Variants in NFKBID observed in about 807,000 individuals in gnomAD.
The protein encoded by NFKBID is NFKB inhibitor delta.
A neutral mutation model predicts 53.4 loss-of-function variants in NFKBID; 26 were observed. That is an observed-to-expected ratio of 0.49 (90% CI 0.36 to 0.68). The LOEUF is 0.68. Among genes scored for constraint, NFKBID ranks in the 30% least tolerant of loss-of-function variants. The pLI is 0.00. For synonymous variants in NFKBID, 262 were observed against 259.8 expected (o/e 1.01, Z -0.08); for missense variants, 493 against 614.1 (o/e 0.80, Z 2.08).
exon 2 of NFKBID, chr19:35,898,738 G>C: frequency 1.3e-6 from 2 of 1,535,964 alleles, no homozygotes; most frequent in Non-Finnish European, 1.7e-6. Flanking sequence ...GCCAGCGTCG[G>C]GCTGCTGCTG....
intron 9 of NFKBID, among the ~76,000 whole-genome samples, chr19:35,895,344 C>T (rs919931596): frequency 1.1e-4 from 16 of 150,502 alleles, no homozygotes; most frequent in African/African-American, 3.9e-4. Flanking sequence ...AAAAAATAGC[C>T]AGGCATGGTG....
At chr19:35,889,956 G>A (rs1250803426) in exon 11 of NFKBID, 1 of 1,612,086 alleles carries the variant, frequency 6.2e-7, no homozygotes, top group Admixed American at 1.7e-5. Context: ...TGCGCAGTGT[G>A]GGGTCCGCCC....
At chr19:35,898,808 G>A (rs2146968221) in exon 2 of NFKBID, 2 of 1,535,818 alleles carry the variant, frequency 1.3e-6, no homozygotes, top group African/African-American at 1.4e-5. Flanking sequence ...CAGTGGCTGC[G>A]CTCACCCCTG....
exon 11 of NFKBID, chr19:35,889,953 T>C (rs1974641655): frequency 6.2e-7 from 1 of 1,612,018 alleles, no homozygotes; most frequent in Non-Finnish European, 8.5e-7. Context: ...GGTTGCGCAG[T>C]GTGGGGTCCG....
intron 9 of NFKBID, among the ~76,000 whole-genome samples, chr19:35,892,272 G>C (rs921947945): frequency 6.6e-6 from 1 of 151,926 alleles, no homozygotes; most frequent in Non-Finnish European, 1.5e-5. Flanking sequence ...GGTTGGTCTC[G>C]AATTCCTGAG....
Position 35,896,527 on chromosome 19 carries a change from C to G in NFKBID, c.696G>C (p.Leu232=). 1 of 1,614,082 alleles carries G rather than the reference C, an allele frequency of 6.2e-7. No homozygotes were observed. Among genetic ancestry groups the G allele is most frequent in the Non-Finnish European group, 8.5e-7 (1 of 1,179,960 alleles). ...GGGGCTGGTTGGCAGCAGCCGCCAC[C>G]AGGAGAGGGGTCTGCAGGCCACAGG... Residue 232 remains leucine (L), a synonymous_variant, in exon 7 of 12, where the codon CTG becomes CTC. Transcript: ENST00000641389. This position sits in a 1 kb window ranked among gnomAD's most constrained non-coding sequence, Gnocchi z 5.7.
rs777967816 is a variant in NFKBID at position 35,896,701 on chromosome 19, G to A, written c.684+25C>T. ...CAGGCTCCTTCCTCCCCTGAACCCA[G>A]GAGAGTTCAGGCCCCAAGCCTCACC... On this transcript the variant is annotated intron_variant, in intron 6 of 11. Coordinates refer to ENST00000641389, the Ensembl canonical transcript of NFKBID. This position sits in a 1 kb window ranked among gnomAD's most constrained non-coding sequence, Gnocchi z 5.7. The A allele has an allele frequency of 6.3e-7, 1 of 1,598,312 alleles. No homozygotes were observed. The highest frequency in any genetic ancestry group is 1.1e-5 in the South Asian group (1 of 90,648).
At chr19:35,889,944 G>T in exon 11 of NFKBID, 1 of 1,612,190 alleles carries the variant, frequency 6.2e-7, no homozygotes, top group Non-Finnish European at 8.5e-7. Context: ...CATTCTCCAG[G>T]TTGCGCAGTG....
At chr19:35,890,794 T>G in intron 9 of NFKBID, 1 of 387,192 alleles carries the variant, frequency 2.6e-6, no homozygotes, top group South Asian at 2.0e-5. Flanking sequence ...AGCCTAGGAG[T>G]TCACGGCTGC....
exon 10 of NFKBID, chr19:35,890,418 G>A (rs368141633): frequency 7.3e-5 from 118 of 1,613,768 alleles, no homozygotes; most frequent in Admixed American, 2.3e-4. Context: ...GGCAGCTCCA[G>A]CAGCAGCTGA....
At chr19:35,898,592 C>T in intron 2 of NFKBID, 60 bp from the exon 3 acceptor site, 2 of 1,441,094 alleles carry the variant, frequency 1.4e-6, no homozygotes, top group Non-Finnish European at 1.9e-6. Context: ...TCCTCCGGGT[C>T]TGTCTCGGAT....
exon 1 of NFKBID, chr19:35,900,461 G>A (rs1251908740): frequency 8.1e-7 from 1 of 1,231,826 alleles, no homozygotes; most frequent in African/African-American, 1.6e-5. Context: ...TCCGTGGCGT[G>A]GATTGCGGGC....
At chr19:35,900,834 T>TC (rs1975534722), upstream of NFKBID, among the ~76,000 whole-genome samples, 1 of 142,626 alleles carries the variant, frequency 7.0e-6, no homozygotes, top group Non-Finnish European at 1.5e-5. Context: ...TTTCTTTTTT[T>TC]TTTTTTTTTT....
chr19:35,898,375 A>T, intron 3 of NFKBID, 97 bp downstream of exon 3: 5 of 724,004 alleles, frequency 6.9e-6, no homozygotes, highest in Non-Finnish European at 1.1e-5. Context: ...GGGAAGAATG[A>T]GGGCCTGACT....
At position 35,896,528 on chromosome 19, in the gene NFKBID, A is replaced by G; in HGVS notation, c.695T>C (p.Leu232Pro). The G allele has an allele frequency of 6.2e-7, 1 of 1,614,010 alleles. No homozygotes were observed. Among genetic ancestry groups the G allele is most frequent in the Non-Finnish European group, 8.5e-7 (1 of 1,179,922 alleles). ...GGGCTGGTTGGCAGCAGCCGCCACC[A>G]GGAGAGGGGTCTGCAGGCCACAGGA... is the stretch of plus-strand genomic sequence containing the variant. The change falls in exon 7 of 12, where the codon CTG (leucine) becomes CCG (proline). Residue 232 changes from leucine to proline, a missense_variant. Coordinates refer to ENST00000641389, the Ensembl canonical transcript of NFKBID. The surrounding 1 kb of genome is among the most constrained non-coding windows in gnomAD (Gnocchi z 5.7).
upstream of NFKBID, among the ~76,000 whole-genome samples, chr19:35,901,121 T>C (rs891749163): frequency 7.3e-5 from 11 of 151,180 alleles, no homozygotes; most frequent in African/African-American, 2.2e-4. Flanking sequence ...GCTTGAGCCA[T>C]GGTGCCTGGC....
intron 11 of NFKBID, 45 bp from the exon 12 acceptor site, chr19:35,888,657 G>A (rs1402279890): frequency 6.8e-7 from 1 of 1,476,668 alleles, no homozygotes; most frequent in Non-Finnish European, 9.3e-7. Flanking sequence ...CAGGTTGGAA[G>A]GAGAGGTGGG....
At chr19:35,898,350 G>GAAAAA in intron 3 of NFKBID, 122 bp downstream of exon 3, 2 of 607,452 alleles carry the variant, frequency 3.3e-6, no homozygotes, top group East Asian at 6.0e-5. Flanking sequence ...TCCTGTCTCA[G>GAAAAA]AAAAAAAAAA....
At chr19:35,898,155 C>T (rs1453603846) in intron 3 of NFKBID, among the ~76,000 whole-genome samples, 2 of 152,068 alleles carry the variant, frequency 1.3e-5, no homozygotes, top group African/African-American at 4.8e-5. Flanking sequence ...GGCCTACCAG[C>T]CTAGGCAACA....
Sources: gnomAD v4.1 joint callset for allele counts (sites outside exome capture counted in the v4.1 genomes callset) on GRCh38, gnomAD v4.1.1 for gene constraint, Gnocchi (gnomAD v3.1) non-coding constraint, MANE v1.5 for transcripts, NCBI Gene and HGNC (gene_info 2026-07-23, HGNC 2026-07-21) for gene names.